The following PRPF40B variants were observed in gnomAD, a reference collection of about 807,000 sequenced individuals.
The protein encoded by PRPF40B is pre-mRNA-processing factor 40 homolog B.
PRPF40B carries 56 observed loss-of-function variants against 124.5 expected under a neutral mutation model. That is an observed-to-expected ratio of 0.45 (90% CI 0.36 to 0.56). The LOEUF (loss-of-function observed/expected upper bound fraction) is 0.56, where lower values mean the gene tolerates loss of function less well. PRPF40B is among the 20% of genes least tolerant of loss of function. The pLI is 0.00. For synonymous variants in PRPF40B, 443 were observed against 426.4 expected (o/e 1.04, Z -0.48); for missense variants, 1,053 against 1,169.5 (o/e 0.90, Z 1.45).
chr12:49,642,820 C>A lies in PRPF40B; in HGVS notation c.2119-110C>A. On this transcript the variant is annotated intron_variant, in intron 21 of 25. Transcript: ENST00000548825. The surrounding 1 kb of genome is among the most constrained non-coding windows in gnomAD (Gnocchi z 5.8). ...GAGGCCTGAGGATCCCTGGGATAGG[C>A]AGAAGGCTCTAGTCTGAGAAAGGGA... is the stretch of plus-strand genomic sequence containing the variant. The A allele has an allele frequency of 1.4e-6, 2 of 1,431,208 alleles. No homozygotes were observed. Among genetic ancestry groups the A allele is most frequent in the Non-Finnish European group, 1.9e-6 (2 of 1,040,678 alleles). 88.7% of individuals were successfully genotyped at this position (1,431,208 alleles called of 1,614,324 possible). A position where few individuals can be genotyped will look rare whatever the true frequency, so the allele number is the denominator to read the frequency against.
At chr12:49,624,890 C>T (rs2138370848) in intron 1 of PRPF40B, among the ~76,000 whole-genome samples, 1 of 149,602 alleles carries the variant, frequency 6.7e-6, no homozygotes, top group East Asian at 2.0e-4. Context: ...TCTAGTAAGG[C>T]AGATCTTTGG....
chr12:49,641,994 C>T lies in PRPF40B; in HGVS notation c.1854C>T (p.Asp618=), dbSNP rs139833340. Residue 618 remains aspartate, a synonymous_variant, in exon 19 of 26, where the codon GAC becomes GAT. Coordinates refer to ENST00000548825, the MANE Select transcript of PRPF40B (RefSeq NM_001031698.3). ...ISFDKRAAAL[D]AGNIKLTFNS... is the part of the protein sequence containing the mutation. ...TTGACAAGAGGGCTGCCGCACTGGA[C>T]GCAGGCAACATCAAGCTGACCTTCA... The T allele has an allele frequency of 5.9e-5, 95 of 1,613,490 alleles. No individual in the cohort carries two copies. Among genetic ancestry groups the T allele is most frequent in the African/African-American group, 3.3e-4 (25 of 75,052 alleles).
At chr12:49,633,199 C>A (rs1941413865) in intron 7 of PRPF40B, 75 bp downstream of exon 7, 1 of 1,363,866 alleles carries the variant, frequency 7.3e-7, no homozygotes. Context: ...CCCTTAGTCT[C>A]TAACCATATT....
Position 49,635,488 on chromosome 12 carries a change from G to C in PRPF40B, c.1275+15G>C. 6.2e-7 allele frequency: 1 copy of C among 1,604,694 alleles called. No individual in the cohort carries two copies. Among genetic ancestry groups the C allele is most frequent in the Non-Finnish European group, 8.5e-7 (1 of 1,175,174 alleles). Reference sequence around the variant, plus strand: ...AGAAGGAGAAGGTAATGGTCCCTGGGCAGAATCCTTCAGCCCATCTCATCC... The same window carrying C: ...AGAAGGAGAAGGTAATGGTCCCTGGCCAGAATCCTTCAGCCCATCTCATCC... On this transcript the variant is annotated intron_variant, in intron 14 of 25. Transcript: ENST00000548825. This position sits in a 1 kb window ranked among gnomAD's most constrained non-coding sequence, Gnocchi z 4.1.
chr12:49,629,527 G>A (rs892331290), intron 1 of PRPF40B, among the ~76,000 whole-genome samples: 1 of 152,218 alleles, frequency 6.6e-6, no homozygotes, highest in African/African-American at 2.4e-5. Context: ...TTTGTTCTTC[G>A]TTCGTTCAAT....
Position 49,633,103 on chromosome 12 carries a change from C to A in PRPF40B, c.438C>A (p.Ser146Arg). The change falls in exon 7 of 26, where the codon AGC becomes AGA. Residue 146 changes from serine to arginine, a missense_variant. Coordinates refer to ENST00000548825, the MANE Select transcript of PRPF40B (RefSeq NM_001031698.3). Reference sequence around the variant, plus strand: ...AGCAGTCCGTGTGGGAGAAGCCCAGCGTGCTCAAGTCCAAGGCAGAGGTCC... The same window carrying A: ...AGCAGTCCGTGTGGGAGAAGCCCAGAGTGCTCAAGTCCAAGGCAGAGGTCC... The part of the protein sequence containing the change: ...DDKQSVWEKP[S>R]VLKSKAELLL... The A allele has an allele frequency of 6.3e-7, 1 of 1,598,644 alleles. No homozygotes were observed. Among genetic ancestry groups the A allele is most frequent in the Non-Finnish European group, 8.5e-7 (1 of 1,173,588 alleles).
In PRPF40B at chr12:49,631,423, C is replaced by G. The variant is rs777560549; in HGVS notation, c.107C>G (p.Pro36Arg). 6.8e-6 allele frequency: 10 copies of G among 1,467,886 alleles called. No individual in the cohort carries two copies. Among genetic ancestry groups the G allele is most frequent in the Admixed American group, 2.6e-5 (1 of 38,918 alleles). The allele number at this position is 1,467,886 out of a possible 1,614,324, so 90.9% of individuals were successfully genotyped here. ...PPFMPPPGIP[P>R]PFPPMGLPPM... is the part of the protein sequence containing the mutation. ...CAGATGCCCCCTCCAGGGATCCCCC[C>G]ACCCTTTCCTCCGATGGGGCTACCC... Residue 36 changes from proline (P) to arginine (R), a missense_variant, in exon 3 of 26, where the codon CCA (proline) becomes CGA (arginine). Around this residue, in one of 2 missense-constraint regions of PRPF40B, gnomAD observed 158 missense variants for 117.3 expected, o/e 1.35. Coordinates refer to ENST00000548825, the MANE Select transcript of PRPF40B (RefSeq NM_001031698.3). The surrounding 1 kb of genome is among the most constrained non-coding windows in gnomAD (Gnocchi z 4.3).
chr12:49,622,937 G>A (rs761875127), upstream of PRPF40B, among the ~76,000 whole-genome samples: 3 of 152,220 alleles, frequency 2.0e-5, no homozygotes, highest in Non-Finnish European at 2.9e-5. Flanking sequence ...CTGTCAAAGA[G>A]TGGGCCCTGC....
In PRPF40B at chr12:49,630,619, AC is replaced by A; in HGVS notation, c.81del (p.Phe28SerfsTer19). On this transcript the variant is annotated frameshift_variant, in exon 2 of 26. Coordinates refer to ENST00000548825, the MANE Select transcript of PRPF40B (RefSeq NM_001031698.3). LOFTEE classifies it high-confidence loss of function. The stretch of plus-strand genomic sequence containing the variant: ...CACCGGGGCCCCCCATGATGCCACC[AC>A]CCTTCGTAAGTTTTATGTCTTTCCC... ...FPPGPPMMPPPFMPPPGIPPP... is the reference protein window; with the variant it reads ...FPPGPPMMPPXFMPPPGIPPP... The A allele has an allele frequency of 7.7e-7, 1 of 1,304,112 alleles. No homozygotes were observed. Among genetic ancestry groups the A allele is most frequent in the Non-Finnish European group, 1.1e-6 (1 of 900,110 alleles). The allele number at this position is 1,304,112 out of a possible 1,614,324, so 80.8% of individuals were successfully genotyped here. A position where few individuals can be genotyped will look rare whatever the true frequency, so the allele number is the denominator to read the frequency against.
At chr12:49,637,895 A>G (rs1023807254) in intron 18 of PRPF40B, 71 bp downstream of exon 18, 32 of 1,287,748 alleles carry the variant, frequency 2.5e-5, no homozygotes, top group Non-Finnish European at 3.5e-5. Context: ...GGACTCCCTG[A>G]TAAGTCCTGT....
In PRPF40B at chr12:49,635,249, C is replaced by T. The variant is rs1941647917; in HGVS notation, c.1152C>T (p.Ser384=). Reference sequence around the variant, plus strand: ...TGGAGCAGCATGAACGCATGACCTCCACCACCCGCTACCGGTCAGGGGGCC... The same window carrying T: ...TGGAGCAGCATGAACGCATGACCTCTACCACCCGCTACCGGTCAGGGGGCC... ...HFLEQHERMT[S]TTRYRRAEQT... Residue 384 remains serine (S), a synonymous_variant, in exon 13 of 26, where the codon TCC becomes TCT. Transcript: ENST00000548825. The surrounding 1 kb of genome is among the most constrained non-coding windows in gnomAD (Gnocchi z 4.1). 1 of 1,613,384 alleles carries T rather than the reference C, an allele frequency of 6.2e-7. No individual in the cohort carries two copies.
chr12:49,632,045 G>A (rs1181115405), intron 4 of PRPF40B, 120 bp downstream of exon 4: 16 of 981,446 alleles, frequency 1.6e-5, no homozygotes, highest in South Asian at 3.9e-5. Flanking sequence ...CCAGGTCCCC[G>A]GCAGCACTCC....
chr12:49,623,896 GAA>G, intron 1 of PRPF40B: 1 of 1,170,208 alleles, frequency 8.5e-7, no homozygotes, highest in South Asian at 4.3e-5. Context: ...GATCGGGAAA[GAA>G]GAGAGAGGGC....
intron 17 of PRPF40B, 33 bp from the exon 18 acceptor site, chr12:49,637,700 G>T (rs759484452): frequency 1.3e-5 from 15 of 1,127,658 alleles, no homozygotes; most frequent in Non-Finnish European, 1.8e-5. Flanking sequence ...GGAAGCTGCC[G>T]CCCGCCAGGC....
At position 49,631,718 on chromosome 12, in the gene PRPF40B, C is replaced by T. The variant is rs1941244284; in HGVS notation, c.229-142C>T. On this transcript the variant is annotated intron_variant, in intron 3 of 25. Transcript: ENST00000548825. This position sits in a 1 kb window ranked among gnomAD's most constrained non-coding sequence, Gnocchi z 4.3. ...ACAACTCTCAGGCAAGGTGAGAGGC[C>T]AGAATCTGGGGATTGCCTGAGGAAG... 3.2e-6 allele frequency: 4 copies of T among 1,237,170 alleles called. No homozygotes were observed. Among genetic ancestry groups the T allele is most frequent in the Non-Finnish European group, 4.7e-6 (4 of 846,660 alleles). 76.6% of individuals were successfully genotyped at this position (1,237,170 alleles called of 1,614,324 possible). A position where few individuals can be genotyped will look rare whatever the true frequency, so the allele number is the denominator to read the frequency against.
At chr12:49,627,581 G>A (rs1050703770) in intron 1 of PRPF40B, among the ~76,000 whole-genome samples, 1 of 152,176 alleles carries the variant, frequency 6.6e-6, no homozygotes, top group Non-Finnish European at 1.5e-5. Context: ...TGAGACCCAG[G>A]AGCTCAGCAT....
Position 49,642,730 on chromosome 12 carries a change from G to C in PRPF40B, c.2118+55G>C. ...TCAGGCCCTTGAACTCATTAGACCAGTTCAACAGAGACCTCAGTGGCCTCC... is the reference window on the plus strand; with the variant it reads ...TCAGGCCCTTGAACTCATTAGACCACTTCAACAGAGACCTCAGTGGCCTCC... On this transcript the variant is annotated intron_variant, in intron 21 of 25. Coordinates refer to ENST00000548825, the MANE Select transcript of PRPF40B (RefSeq NM_001031698.3). The surrounding 1 kb of genome is among the most constrained non-coding windows in gnomAD (Gnocchi z 5.8). 1 of 1,564,342 alleles carries C rather than the reference G, an allele frequency of 6.4e-7. No individual in the cohort carries two copies. Among genetic ancestry groups the C allele is most frequent in the Non-Finnish European group, 8.7e-7 (1 of 1,147,998 alleles).
chr12:49,643,064 G>A (rs189768718), intron 22 of PRPF40B, 48 bp downstream of exon 22: 359 of 1,604,594 alleles, frequency 2.2e-4, no homozygotes, highest in Non-Finnish European at 2.9e-4. Flanking sequence ...GGTTGTTTTG[G>A]GGAAATAAAC....
chr12:49,631,622 G>C lies in PRPF40B; in HGVS notation c.228+78G>C. ...GGGTGGAGATAAGAGCGGGCATGTA[G>C]GCCTCAGAAACTGGGGAAGGAAGGG... On this transcript the variant is annotated intron_variant, in intron 3 of 25. Coordinates refer to ENST00000548825, the MANE Select transcript of PRPF40B (RefSeq NM_001031698.3). This position sits in a 1 kb window ranked among gnomAD's most constrained non-coding sequence, Gnocchi z 4.3. 1 of 1,491,330 alleles carries C rather than the reference G, an allele frequency of 6.7e-7. No individual in the cohort carries two copies. The highest frequency in any genetic ancestry group is 9.1e-7 in the Non-Finnish European group (1 of 1,103,974). The allele number at this position is 1,491,330 out of a possible 1,614,324, so 92.4% of individuals were successfully genotyped here.
Sources: allele counts gnomAD v4.1 joint callset (sites outside exome capture counted in the v4.1 genomes callset), GRCh38; gene constraint gnomAD v4.1.1; regional missense constraint gnomAD v4.1.1; non-coding constraint Gnocchi (gnomAD v3.1); transcripts MANE v1.5; gene names NCBI Gene and HGNC (gene_info 2026-07-23, HGNC 2026-07-21).